The following MYLK3 variants were observed in gnomAD, a reference collection of about 807,000 sequenced individuals.
MYLK3 encodes the protein myosin light chain kinase 3.
In MYLK3, 55 loss-of-function variants were observed where a neutral mutation model predicts 76.3. That is an observed-to-expected ratio of 0.72 (90% CI 0.58 to 0.90). The LOEUF is 0.90. Ranked by LOEUF, MYLK3 falls within the 40% of genes least tolerant of loss-of-function variation. MYLK3 has a pLI of 0.00. For missense variants in MYLK3, 973 were observed against 1,053.6 expected, an observed-to-expected ratio of 0.92 and a Z score of 1.06; for synonymous variants, 416 against 425.4, an observed-to-expected ratio of 0.98 and a Z score of 0.27.
intron 7 of MYLK3, 119 bp downstream of exon 7, chr16:46,728,905 A>G (rs899729671): frequency 1.4e-6 from 1 of 737,430 alleles, no homozygotes; most frequent in South Asian, 1.6e-5. Context: ...GGATGACACG[A>G]CCCTGGACGT....
intron 12 of MYLK3, among the ~76,000 whole-genome samples, chr16:46,708,765 T>A (rs1966652904): frequency 6.6e-6 from 1 of 152,244 alleles, no homozygotes; most frequent in Non-Finnish European, 1.5e-5. Flanking sequence ...GCCACTTCCC[T>A]GGATCACAAT....
At position 46,705,510 on chromosome 16, in the gene MYLK3, C is replaced by G. The variant is rs912894006; in HGVS notation, c.*2194G>C. 1 of 151,232 alleles carries G rather than the reference C, an allele frequency of 6.6e-6. No homozygotes were observed. The highest frequency in any genetic ancestry group is 1.5e-5 in the Non-Finnish European group (1 of 67,896). 9.4% of individuals were successfully genotyped at this position (151,232 alleles called of 1,614,324 possible). A position where few individuals can be genotyped will look rare whatever the true frequency, so the allele number is the denominator to read the frequency against. The stretch of plus-strand genomic sequence containing the variant: ...CACCAGTGCACTCCAGCCTGGGTGA[C>G]AGAGGAAGACTCTCTCAAAAAAAAT... On this transcript the variant is annotated 3_prime_UTR_variant, in exon 13 of 13. Transcript: ENST00000394809.
At chr16:46,750,523 G>A (rs753684534), upstream of MYLK3, among the ~76,000 whole-genome samples, 4 of 152,084 alleles carry the variant, frequency 2.6e-5, no homozygotes, top group Admixed American at 6.6e-5. Context: ...GTGAAACACC[G>A]TCTCTACTGA....
intron 1 of MYLK3, among the ~76,000 whole-genome samples, chr16:46,758,439 T>C (rs1220519173): frequency 6.6e-6 from 1 of 152,108 alleles, no homozygotes; most frequent in African/African-American, 2.4e-5. Context: ...GCTGAGCGCT[T>C]TGGCTGCCTC....
intron 1 of MYLK3, among the ~76,000 whole-genome samples, chr16:46,755,203 C>A (rs1406756068): frequency 6.6e-6 from 1 of 152,084 alleles, no homozygotes; most frequent in Non-Finnish European, 1.5e-5. Context: ...CTGACCCACG[C>A]ACGCTTTCTA....
At chr16:46,758,334 TCTCTCTCTC>T in intron 1 of MYLK3, among the ~76,000 whole-genome samples, 1 of 135,718 alleles carries the variant, frequency 7.4e-6, no homozygotes, top group East Asian at 2.2e-4. Flanking sequence ...TCTCTCTCTC[TCTCTCTCTC>T]AACTTTGGGA....
intron 8 of MYLK3, 134 bp downstream of exon 8, chr16:46,727,102 A>G: frequency 2.1e-6 from 2 of 970,708 alleles, no homozygotes; most frequent in South Asian, 4.5e-5. Context: ...CCTGTCCCAG[A>G]CTCCAGAACT....
Position 46,706,887 on chromosome 16 carries a change from T to G in MYLK3, c.*817A>C, listed in dbSNP as rs1182167173. 1 of 152,124 alleles carries G rather than the reference T, an allele frequency of 6.6e-6. No homozygotes were observed. Among genetic ancestry groups the G allele is most frequent in the Non-Finnish European group, 1.5e-5 (1 of 68,010 alleles). The allele number at this position is 152,124 out of a possible 1,614,324, so 9.4% of individuals were successfully genotyped here. A position where few individuals can be genotyped will look rare whatever the true frequency, so the allele number is the denominator to read the frequency against. Reference sequence around the variant, plus strand: ...AAGTGTATGTGTAGAGTGACAACATTGAGAGTGCTACAGCCTGAGGCAGCA... The same window carrying G: ...AAGTGTATGTGTAGAGTGACAACATGGAGAGTGCTACAGCCTGAGGCAGCA... On this transcript the variant is annotated 3_prime_UTR_variant, in exon 13 of 13. Transcript: ENST00000394809.
intron 12 of MYLK3, among the ~76,000 whole-genome samples, chr16:46,707,969 GAT>G (rs1388854881): frequency 6.6e-6 from 1 of 152,082 alleles, no homozygotes. Context: ...GAAGTGGGAA[GAT>G]ACATCATCCT....
chr16:46,763,239 G>C, exon 1 of MYLK3: 1 of 985,414 alleles, frequency 1.0e-6, no homozygotes, highest in Non-Finnish European at 1.2e-6. Context: ...TCTGCTGGTC[G>C]GCCCTCTGAG....
chr16:46,726,258 A>T (rs1966840241), intron 8 of MYLK3: 1 of 152,182 alleles, frequency 6.6e-6, no homozygotes, highest in East Asian at 1.9e-4. Context: ...CTCAGCCATA[A>T]AAAGGAATGA....
At chr16:46,721,048 A>T in intron 9 of MYLK3, 75 bp downstream of exon 9, 1 of 1,299,070 alleles carries the variant, frequency 7.7e-7, no homozygotes, top group Non-Finnish European at 1.1e-6. Context: ...TAGCTGGGTC[A>T]GGAGTAACCA....
At chr16:46,714,701 G>A (rs183894130) in intron 9 of MYLK3, among the ~76,000 whole-genome samples, 31 of 152,326 alleles carry the variant, frequency 2.0e-4, no homozygotes, top group Admixed American at 1.0e-3. Context: ...CACAAGAGGT[G>A]TAATATATCA....
chr16:46,737,620 A>T (rs1018957834), intron 3 of MYLK3, 91 bp downstream of exon 3: 17 of 1,257,250 alleles, frequency 1.4e-5, no homozygotes, highest in Non-Finnish European at 1.9e-5. Flanking sequence ...GCCCAGGAAC[A>T]TGTATGCAGT....
At chr16:46,731,675 G>A (rs1377130790) in intron 4 of MYLK3, among the ~76,000 whole-genome samples, 6 of 152,174 alleles carry the variant, frequency 3.9e-5, no homozygotes, top group African/African-American at 1.4e-4. Flanking sequence ...CCGGGTGGGT[G>A]GGAATGGCTG....
upstream of MYLK3, among the ~76,000 whole-genome samples, chr16:46,751,452 T>C (rs1334275740): frequency 6.6e-6 from 1 of 152,180 alleles, no homozygotes; most frequent in African/African-American, 2.4e-5. Context: ...ATTTGTCATG[T>C]CTTCATTAAG....
At chr16:46,763,047 C>T in exon 1 of MYLK3, 1 of 985,494 alleles carries the variant, frequency 1.0e-6, no homozygotes, top group Non-Finnish European at 1.2e-6. Context: ...TACCACTTTC[C>T]ATCCATGGGT....
At chr16:46,707,985 C>A (rs1242920988) in intron 12 of MYLK3, among the ~76,000 whole-genome samples, 1 of 151,940 alleles carries the variant, frequency 6.6e-6, no homozygotes, top group Non-Finnish European at 1.5e-5. Flanking sequence ...TCATCCTGCC[C>A]TCTTTTTTTT....
chr16:46,717,310 T>G (rs1966751402), intron 9 of MYLK3, among the ~76,000 whole-genome samples: 1 of 152,174 alleles, frequency 6.6e-6, no homozygotes, highest in Non-Finnish European at 1.5e-5. Flanking sequence ...TTCAGTGTTG[T>G]TTGCTGTGGT....
Sources: allele counts gnomAD v4.1 joint callset (sites outside exome capture counted in the v4.1 genomes callset), GRCh38; gene constraint gnomAD v4.1.1; transcripts MANE v1.5; gene names NCBI Gene and HGNC (gene_info 2026-07-23, HGNC 2026-07-21).